Variants in FAM153A observed in about 807,000 individuals in gnomAD.
FAM153A encodes the protein protein FAM153A.
In FAM153A, 12 loss-of-function variants were observed where a neutral mutation model predicts 48.1. The observed-to-expected ratio is 0.25, with a 90% CI of 0.16 to 0.40. The LOEUF (loss-of-function observed/expected upper bound fraction) is 0.40, where lower values mean the gene tolerates loss of function less well. Among genes scored for constraint, FAM153A ranks in the 10% least tolerant of loss-of-function variants. The pLI, the probability that FAM153A is intolerant of heterozygous loss-of-function variation, is 1.00. For missense variants in FAM153A, 111 were observed against 345.8 expected (o/e 0.32, Z 5.38); for synonymous variants, 36 against 118.2 (o/e 0.30, Z 4.51).
the FAM153A span, among the ~76,000 whole-genome samples, chr5:177,696,009 G>A: frequency 7.8e-6 from 1 of 128,898 alleles, no homozygotes; most frequent in African/African-American, 2.9e-5. Context: ...CTGGGCAGAG[G>A]CACTCCTCAC....
In FAM153A at chr5:177,759,223, A is replaced by G. The variant is rs1363013004; in HGVS notation, c.-56-10524T>C. Among the ~76,000 whole-genome samples, 5 of 151,910 alleles carry G rather than the reference A, an allele frequency of 3.3e-5. No homozygotes were observed. The East Asian group carries it at 9.6e-4, about 29-fold the overall frequency. On this transcript the variant is annotated intron_variant, in intron 1 of 8. Transcript: ENST00000393518. ...CCAACAGACACATGAAAAAATGCTCATCATCACTGGCCATCAGAGAAATGC... is the reference window on the plus strand; with the variant it reads ...CCAACAGACACATGAAAAAATGCTCGTCATCACTGGCCATCAGAGAAATGC...
At chr5:177,716,998 TG>T (rs1291194216) in intron 24 of FAM153A, among the ~76,000 whole-genome samples, 1 of 150,794 alleles carries the variant, frequency 6.6e-6, no homozygotes, top group African/African-American at 2.5e-5. Context: ...TGTGTGTGTG[TG>T]TAGAGTCTGG....
intron 1 of FAM153A, among the ~76,000 whole-genome samples, chr5:177,767,847 CA>C (rs1452621666): frequency 1.1e-5 from 1 of 94,986 alleles, no homozygotes; most frequent in Non-Finnish European, 2.2e-5. Context: ...CAACAATCAT[CA>C]ACAAAGAAGT....
exon 21 of FAM153A, chr5:177,724,071 G>C (rs753188874): frequency 5.6e-6 from 9 of 1,610,476 alleles, no homozygotes; most frequent in Non-Finnish European, 7.6e-6. Context: ...CTGTTTCCTG[G>C]AGCATGTTCT....
chr5:177,706,762 C>CT (rs1185122183), downstream of FAM153A: 2 of 151,828 alleles, frequency 1.3e-5, no homozygotes, highest in Non-Finnish European at 2.9e-5. Context: ...AAAAGGAAGG[C>CT]TTGATCAGCA....
intron 1 of FAM153A, among the ~76,000 whole-genome samples, chr5:177,765,891 C>T (rs1299925806): frequency 1.7e-5 from 2 of 116,226 alleles, no homozygotes; most frequent in African/African-American, 5.9e-5. Context: ...GTGGTGGAGA[C>T]GAGTGGATCG....
intron 7 of FAM153A, among the ~76,000 whole-genome samples, chr5:177,741,038 TCTC>T: frequency 1.0e-5 from 1 of 97,082 alleles, no homozygotes; most frequent in South Asian, 4.4e-4. Flanking sequence ...AGGAAGCACT[TCTC>T]CTATGGAAAA....
chr5:177,759,402 G>C (rs979880013), intron 1 of FAM153A, among the ~76,000 whole-genome samples: 3 of 151,824 alleles, frequency 2.0e-5, no homozygotes, highest in Non-Finnish European at 4.4e-5. Context: ...GTGGAAGAGA[G>C]AGTGGCAATT....
intron 4 of FAM153A, among the ~76,000 whole-genome samples, chr5:177,746,004 A>G (rs1765928790): frequency 6.7e-6 from 1 of 149,924 alleles, no homozygotes; most frequent in Non-Finnish European, 1.5e-5. Flanking sequence ...AAGTGCTGGA[A>G]TAACTTGGCC....
chr5:177,699,370 A>C, the FAM153A span, among the ~76,000 whole-genome samples: 5 of 151,526 alleles, frequency 3.3e-5, no homozygotes, highest in Non-Finnish European at 5.9e-5. Context: ...TAGAGGTAGA[A>C]AAACAATGGA....
At chr5:177,781,262 C>CTCTTTTTTTTTTTT (rs1769622553), upstream of FAM153A, among the ~76,000 whole-genome samples, 1 of 89,008 alleles carries the variant, frequency 1.1e-5, no homozygotes, top group Non-Finnish European at 2.1e-5. Context: ...CCACGCCCGG[C>CTCTTTTTTTTTTTT]TATTTTTTTT....
chr5:177,781,017 CATAAGAAACTTGTAG>C (rs1769591052), upstream of FAM153A, among the ~76,000 whole-genome samples: 1 of 57,166 alleles, frequency 1.7e-5, no homozygotes, highest in East Asian at 4.8e-4. Flanking sequence ...TTCCTATTTA[CATAAGAAACTTGTAG>C]ATCTGCAAAA....
chr5:177,717,606 A>ACTAT (rs1233444041), downstream of FAM153A, among the ~76,000 whole-genome samples: 2 of 149,744 alleles, frequency 1.3e-5, no homozygotes, highest in African/African-American at 5.1e-5. Context: ...TCCAGTTGAC[A>ACTAT]CTATCTCAAC....
intron 25 of FAM153A, among the ~76,000 whole-genome samples, chr5:177,716,142 C>T (rs1323805240): frequency 6.6e-6 from 1 of 151,544 alleles, no homozygotes; most frequent in Non-Finnish European, 1.5e-5. Flanking sequence ...TGCCACCATG[C>T]TCAGCTAATT....
At position 177,729,571 on chromosome 5, in the gene FAM153A, G is replaced by A. The variant is rs368734367; in HGVS notation, c.863-16C>T. The A allele has an allele frequency of 2.2e-5, 36 of 1,608,928 alleles. 1 individual carries two copies. The highest frequency in any genetic ancestry group is 1.6e-4 in the African/African-American group (12 of 72,938). ...TCCAGGTCACCTAGGAAACAGAGTC[G>A]CTATAAGCACATGAGCTCCACTGAG... On this transcript the variant is annotated splice_polypyrimidine_tract_variant and intron_variant, in intron 16 of 20. Transcript: ENST00000614127.
At chr5:177,708,938 CA>C (rs986701054), downstream of FAM153A, among the ~76,000 whole-genome samples, 2 of 150,078 alleles carry the variant, frequency 1.3e-5, no homozygotes, top group Non-Finnish European at 3.0e-5. Context: ...ACTAAAAACA[CA>C]AAAAAATTAG....
chr5:177,708,293 T>C (rs1243893705), downstream of FAM153A, among the ~76,000 whole-genome samples: 2 of 65,558 alleles, frequency 3.1e-5, no homozygotes, highest in African/African-American at 1.3e-4. Flanking sequence ...CTCTTTTTCA[T>C]GGGCAGGCAT....
At position 177,730,698 on chromosome 5, in the gene FAM153A, G is replaced by A. The variant is rs1225953585; in HGVS notation, c.862+871C>T. Among the ~76,000 whole-genome samples, 7 of 144,386 alleles carry A rather than the reference G, an allele frequency of 4.8e-5. 1 individual carries two copies. The highest frequency in any genetic ancestry group is 1.4e-4 in the Admixed American group (2 of 14,028). 94.7% of individuals were successfully genotyped at this position (144,386 alleles called of 152,430 possible). ...ATACAAGGGCTTTGTGACAAATTCA[G>A]TGTAGTAGCTCATGCCATTAACCTT... On this transcript the variant is annotated intron_variant, in intron 16 of 20. Transcript: ENST00000614127.
At chr5:177,706,536 A>AGTAGTTTTAGACAAAAC (rs1293056246), downstream of FAM153A, among the ~76,000 whole-genome samples, 1 of 152,022 alleles carries the variant, frequency 6.6e-6, no homozygotes, top group Non-Finnish European at 1.5e-5. Flanking sequence ...AATTTTTAAG[A>AGTAGTTTTAGACAAAAC]GTAGTTTTAG....
Sources: gnomAD v4.1 joint callset for allele counts (sites outside exome capture counted in the v4.1 genomes callset) on GRCh38, gnomAD v4.1.1 for gene constraint, MANE v1.5 for transcripts, NCBI Gene and HGNC (gene_info 2026-07-23, HGNC 2026-07-21) for gene names.